Variants in MTRR observed in about 807,000 individuals in gnomAD.
MTRR encodes 5-methyltetrahydrofolate-homocysteine methyltransferase reductase, also known as methionine synthase reductase.
In MTRR, 63 loss-of-function variants were observed where a neutral mutation model predicts 79.2. That is an observed-to-expected ratio of 0.80 (90% CI 0.65 to 0.98). The LOEUF (loss-of-function observed/expected upper bound fraction) is 0.98, where lower values mean the gene tolerates loss of function less well. Among genes scored for constraint, MTRR ranks in the 50% least tolerant of loss-of-function variants. MTRR has a pLI of 0.00. For missense variants in MTRR, 895 were observed against 839.6 expected (o/e 1.07, Z -0.82); for synonymous variants, 355 against 313.3 (o/e 1.13, Z -1.41).
Position 7,899,983 on chromosome 5 carries a change from T to G in MTRR, c.2022T>G (p.Val674=). ...LVQIISKEVG[V]EKLEAMKTLA... is the part of the protein sequence containing the mutation. ...AAATAATAAGCAAAGAGGTTGGAGT[T>G]GAAAAACTAGAAGCAATGAAAACCC... The change falls in exon 15 of 15, where the codon GTT becomes GTG. Residue 674 remains valine (V), a synonymous_variant. Transcript: ENST00000440940. 1 of 1,614,044 alleles carries G rather than the reference T, an allele frequency of 6.2e-7. No individual in the cohort carries two copies. The highest frequency in any genetic ancestry group is 2.2e-5 in the East Asian group (1 of 44,850).
intron 5 of MTRR, among the ~76,000 whole-genome samples, chr5:7,881,474 A>G (rs1001832879): frequency 2.0e-5 from 3 of 152,122 alleles, no homozygotes; most frequent in Admixed American, 2.0e-4. Context: ...GACTGGCCAC[A>G]TCTGCAGGCT....
chr5:7,874,588 CTTTTTTTTTTTTTTT>C (rs5865743), intron 3 of MTRR, among the ~76,000 whole-genome samples: 1 of 108,216 alleles, frequency 9.2e-6, no homozygotes, highest in Non-Finnish European at 1.8e-5. Flanking sequence ...GGGATTTAAG[CTTTTTTTTTTTTTTT>C]TTTTTTTACA....
intron 2 of MTRR, chr5:7,862,933 G>T (rs1442959676): frequency 3.1e-6 from 5 of 1,613,786 alleles, no homozygotes; most frequent in East Asian, 2.2e-5. Context: ...ATCCACAGGG[G>T]TCTCCAGGGA....
At chr5:7,888,512 T>A (rs764417182) in intron 8 of MTRR, among the ~76,000 whole-genome samples, 1 of 152,202 alleles carries the variant, frequency 6.6e-6, no homozygotes, top group Non-Finnish European at 1.5e-5. Context: ...CAATGCTGAG[T>A]TTGGCACTTG....
rs1278666264 is a variant in MTRR, at chr5:7,900,197, T to C, written c.*139T>C. ...TGAAGGACATGGAGTGGAGATTGGATCATTTAACAATATAACAAAACTTCC... is the reference window on the plus strand; with the variant it reads ...TGAAGGACATGGAGTGGAGATTGGACCATTTAACAATATAACAAAACTTCC... On this transcript the variant is annotated 3_prime_UTR_variant, in exon 15 of 15. Transcript: ENST00000440940. 14 of 946,038 alleles carry C rather than the reference T, an allele frequency of 1.5e-5. No homozygotes were observed. The highest frequency in any genetic ancestry group is 1.9e-5 in the Non-Finnish European group (12 of 632,710). 58.6% of individuals were successfully genotyped at this position (946,038 alleles called of 1,614,324 possible). A position where few individuals can be genotyped will look rare whatever the true frequency, so the allele number is the denominator to read the frequency against.
chr5:7,896,637 G>A (rs1047040057), intron 12 of MTRR: 11 of 587,518 alleles, frequency 1.9e-5, no homozygotes, highest in African/African-American at 1.7e-4. Flanking sequence ...CTCATTTTGT[G>A]TATGTCGGAT....
intron 1 of MTRR, among the ~76,000 whole-genome samples, chr5:7,855,983 C>T (rs1561082640): frequency 6.6e-6 from 1 of 152,086 alleles, no homozygotes; most frequent in Admixed American, 6.5e-5. Context: ...CTAGAGACAT[C>T]GAGTCAAACA....
At chr5:7,853,559 G>A (rs1274615449) in intron 1 of MTRR, among the ~76,000 whole-genome samples, 3 of 152,202 alleles carry the variant, frequency 2.0e-5, no homozygotes, top group South Asian at 4.1e-4. Flanking sequence ...GAACAGGAGA[G>A]AGGGACCAAG....
intron 1 of MTRR, chr5:7,870,077 T>C (rs2126638244): frequency 1.0e-6 from 1 of 985,356 alleles, no homozygotes. Flanking sequence ...TTTGTTTTAC[T>C]ACTGCTTATC....
At chr5:7,892,672 C>T in intron 10 of MTRR, 55 bp from the exon 11 acceptor site, 2 of 1,529,388 alleles carry the variant, frequency 1.3e-6, no homozygotes, top group South Asian at 1.1e-5. Context: ...TGGTTTGACC[C>T]ATATGTGTAG....
chr5:7,863,072 G>C (rs527533633), intron 2 of MTRR: 2 of 1,338,394 alleles, frequency 1.5e-6, no homozygotes, highest in South Asian at 2.5e-5. Context: ...AGGTTACCTA[G>C]GTAGAAAAGT....
chr5:7,898,068 A>G (rs559463596), intron 14 of MTRR, among the ~76,000 whole-genome samples: 1 of 152,170 alleles, frequency 6.6e-6, no homozygotes, highest in Non-Finnish European at 1.5e-5. Context: ...CTTCCATTTT[A>G]TTTAGTTTGC....
chr5:7,891,395 A>C lies in MTRR; in HGVS notation c.1351A>C (p.Arg451=), dbSNP rs1178429897. The C allele has an allele frequency of 6.2e-7, 1 of 1,610,232 alleles. No individual in the cohort carries two copies. The highest frequency in any genetic ancestry group is 8.5e-7 in the Non-Finnish European group (1 of 1,177,694). Residue 451 remains arginine, a synonymous_variant, in exon 10 of 15, where the codon AGA becomes CGA. Transcript: ENST00000440940. ...LLEHLPKLQP[R]PYSCASSSLF... is the part of the protein sequence containing the mutation. The stretch of plus-strand genomic sequence containing the variant: ...AGAACATCTTCCTAAACTTCAACCC[A>C]GACCATATTCGTGTGCAAGGTACTA...
At chr5:7,867,531 GAGCTTGCA>G (rs1561111529), upstream of MTRR, 6 of 1,614,136 alleles carry the variant, frequency 3.7e-6, no homozygotes, top group Middle Eastern at 1.6e-4. Context: ...AACAGAATCA[GAGCTTGCA>G]AAGCAGTCAC....
At chr5:7,897,720 C>T (rs1017509050) in intron 14 of MTRR, among the ~76,000 whole-genome samples, 2 of 152,166 alleles carry the variant, frequency 1.3e-5, no homozygotes, top group African/African-American at 4.8e-5. Flanking sequence ...TTCTGTGTTA[C>T]TGAATTTGAT....
At chr5:7,868,210 A>T, upstream of MTRR, 1 of 628,038 alleles carries the variant, frequency 1.6e-6, no homozygotes, top group East Asian at 2.9e-5. Flanking sequence ...GAAAAAAAAA[A>T]AAAAAAAAAA....
In MTRR at chr5:7,878,211, C is replaced by CT. The variant is rs1323270147; in HGVS notation, c.672dup (p.Glu225Ter). 1 of 1,614,048 alleles carries CT rather than the reference C, an allele frequency of 6.2e-7. No individual in the cohort carries two copies. The stretch of plus-strand genomic sequence containing the variant: ...ACCAATCCAATGTTGTAATTGAAGA[C>CT]TTTGAGTCCTCACTTACCCGTTCGG... On this transcript the variant is annotated frameshift_variant, in exon 5 of 15. Transcript: ENST00000440940. LOFTEE classifies it high-confidence loss of function.
rs149581788 is a variant in MTRR at position 7,892,905 on chromosome 5, G to C, written c.1549G>C (p.Ala517Pro). The change falls in exon 11 of 15, where the codon GCT becomes CCT. Residue 517 changes from alanine (A) to proline (P), a missense_variant. Transcript: ENST00000440940. ...CCATGAAGACAGCGGGAAAGCCCTG[G>C]CTCCTAAGGTAAGAAATTAGTACCT... ...ASHEDSGKAL[A>P]PKISISPRTT... is the part of the protein sequence containing the mutation. The C allele has an allele frequency of 2.1e-5, 34 of 1,613,892 alleles. No homozygotes were observed. The highest frequency in any genetic ancestry group is 2.9e-5 in the Non-Finnish European group (34 of 1,179,932).
At chr5:7,851,849 G>T (rs1746088492) in intron 1 of MTRR, among the ~76,000 whole-genome samples, 1 of 152,174 alleles carries the variant, frequency 6.6e-6, no homozygotes, top group South Asian at 2.1e-4. Flanking sequence ...CTCGTGATTG[G>T]TGGGTGTACA....
Sources: allele counts gnomAD v4.1 joint callset (sites outside exome capture counted in the v4.1 genomes callset), GRCh38; gene constraint gnomAD v4.1.1; transcripts MANE v1.5; gene names NCBI Gene and HGNC (gene_info 2026-07-23, HGNC 2026-07-21).